NOTCH1: variants seen among roughly 807,000 people sequenced by gnomAD.
NOTCH1 encodes the protein neurogenic locus notch homolog protein 1.
A neutral mutation model predicts 254.8 loss-of-function variants in NOTCH1; 37 were observed. The ratio of observed to expected loss-of-function variants is 0.15; its 90% confidence interval spans 0.11 to 0.19. The LOEUF (loss-of-function observed/expected upper bound fraction) is 0.19. NOTCH1 is among the 10% of genes least tolerant of loss of function. The pLI is 1.00. For synonymous variants in NOTCH1, 1,731 were observed against 1,618.1 expected (o/e 1.07, Z -1.68); for missense variants, 2,972 against 3,708.6 (o/e 0.80, Z 5.16).
At position 136,544,014 on chromosome 9, in the gene NOTCH1, T is replaced by C; in HGVS notation, c.140+10A>G. 1 of 1,565,588 alleles carries C rather than the reference T, an allele frequency of 6.4e-7. No individual in the cohort carries two copies. Among genetic ancestry groups the C allele is most frequent in the Non-Finnish European group, 8.7e-7 (1 of 1,156,044 alleles). On this transcript the variant is annotated intron_variant, in intron 2 of 33. Transcript: ENST00000651671. Reference sequence around the variant, plus strand: ...GACAAAGCAACAGGTCCCGCAGGGGTGGTACTCACACGCAGGCCTCCGTGC... The same window carrying C: ...GACAAAGCAACAGGTCCCGCAGGGGCGGTACTCACACGCAGGCCTCCGTGC...
At chr9:136,533,502 G>A (rs770766336) in intron 2 of NOTCH1, among the ~76,000 whole-genome samples, 7 of 152,234 alleles carry the variant, frequency 4.6e-5, no homozygotes, top group Admixed American at 2.6e-4. Context: ...CCCGGCTGCG[G>A]GGAGTCAGCT....
chr9:136,502,881 G>C (rs1564189309), intron 27 of NOTCH1: 1 of 613,612 alleles, frequency 1.6e-6, no homozygotes, highest in Non-Finnish European at 3.0e-6. Flanking sequence ...TTTAAAAAAA[G>C]CCGTAATGAT....
At chr9:136,524,700 C>T (rs1009477693) in intron 2 of NOTCH1, among the ~76,000 whole-genome samples, 3 of 141,430 alleles carry the variant, frequency 2.1e-5, no homozygotes, top group South Asian at 2.2e-4. Context: ...TGCAGGGGCG[C>T]GATCTAGGCT....
At chr9:136,533,793 G>A (rs1009544396) in intron 2 of NOTCH1, among the ~76,000 whole-genome samples, 4 of 152,250 alleles carry the variant, frequency 2.6e-5, no homozygotes, top group East Asian at 1.9e-4. Context: ...CTCCTACTAG[G>A]GCATCTGTCT....
chr9:136,513,355 G>C lies in NOTCH1; in HGVS notation c.2353+37C>G. ...TGTCTCCAGCTCCCCAGACTCGAGGGCGGCCCTCTGCACTGAGAAACGCGC... is the reference window on the plus strand; with the variant it reads ...TGTCTCCAGCTCCCCAGACTCGAGGCCGGCCCTCTGCACTGAGAAACGCGC... On this transcript the variant is annotated intron_variant, in intron 14 of 33. Transcript: ENST00000651671. The surrounding 1 kb of genome is among the most constrained non-coding windows in gnomAD (Gnocchi z 4.7). 1 of 1,611,904 alleles carries C rather than the reference G, an allele frequency of 6.2e-7. No homozygotes were observed. The highest frequency in any genetic ancestry group is 1.3e-5 in the African/African-American group (1 of 75,056).
At chr9:136,502,194 G>C (rs1843008539) in intron 28 of NOTCH1, 78 bp downstream of exon 28, 6 of 1,574,128 alleles carry the variant, frequency 3.8e-6, no homozygotes, top group Admixed American at 1.7e-5. Context: ...GGTCGGGAGG[G>C]GCAGACTCCC....
At position 136,511,162 on chromosome 9, in the gene NOTCH1, C is replaced by T. The variant is rs747189377; in HGVS notation, c.2577G>A (p.Thr859=). Residue 859 remains threonine (T), a synonymous_variant, in exon 16 of 34, where the codon ACG becomes ACA. Coordinates refer to ENST00000651671, the MANE Select transcript of NOTCH1 (RefSeq NM_017617.5). ...CCTGGCCAGCCTCACCTTGCCAGCC[C>T]GTGGGGCAGACACAGGAGAAGCTCT... ...DYESFSCVCP[T]GWQGQTCEVD... is the part of the protein sequence containing the mutation. The T allele has an allele frequency of 1.5e-5, 24 of 1,612,814 alleles. No homozygotes were observed. Among genetic ancestry groups the T allele is most frequent in the Middle Eastern group, 1.6e-4 (1 of 6,082 alleles).
In NOTCH1 at chr9:136,513,249, A is replaced by G; in HGVS notation, c.2354-115T>C. The G allele has an allele frequency of 6.8e-7, 1 of 1,465,286 alleles. No homozygotes were observed. Among genetic ancestry groups the G allele is most frequent in the Non-Finnish European group, 9.5e-7 (1 of 1,053,624 alleles). 90.8% of individuals were successfully genotyped at this position (1,465,286 alleles called of 1,614,324 possible). ...CCCCAGGCCCCTCCTCATCTCCAAGAGCCAGAGGCCTGGAGCTAAGGCTTT... is the reference window on the plus strand; with the variant it reads ...CCCCAGGCCCCTCCTCATCTCCAAGGGCCAGAGGCCTGGAGCTAAGGCTTT... On this transcript the variant is annotated intron_variant, in intron 14 of 33. Coordinates refer to ENST00000651671, the MANE Select transcript of NOTCH1 (RefSeq NM_017617.5). This position sits in a 1 kb window ranked among gnomAD's most constrained non-coding sequence, Gnocchi z 4.7.
rs767401819 is a variant in NOTCH1 at position 136,494,931 on chromosome 9, G to A, written c.*1140C>T. ...GCCTCCCTCCAGCCCCTGCCCGACC[G>A]CATGCCCCCTGCCAGGGCTGCGGGG... On this transcript the variant is annotated 3_prime_UTR_variant, in exon 34 of 34. Coordinates refer to ENST00000651671, the MANE Select transcript of NOTCH1 (RefSeq NM_017617.5). The A allele has an allele frequency of 5.0e-6, 2 of 398,556 alleles. No individual in the cohort carries two copies. Among genetic ancestry groups the A allele is most frequent in the African/African-American group, 2.1e-5 (1 of 48,604 alleles). 24.7% of individuals were successfully genotyped at this position (398,556 alleles called of 1,614,324 possible).
intron 2 of NOTCH1, 107 bp from the exon 3 acceptor site, chr9:136,524,086 C>G: frequency 1.4e-6 from 2 of 1,392,386 alleles, no homozygotes; most frequent in Non-Finnish European, 2.0e-6. Flanking sequence ...CCCCACACCC[C>G]GGGCACGGGC....
At chr9:136,510,581 G>C (rs568721237) in intron 17 of NOTCH1, 72 bp downstream of exon 17, 2 of 1,540,762 alleles carry the variant, frequency 1.3e-6, no homozygotes, top group Non-Finnish European at 1.7e-6. Context: ...AGCACCATGC[G>C]CACCAACCCT....
At chr9:136,512,836 C>T (rs1455959651) in intron 15 of NOTCH1, among the ~76,000 whole-genome samples, 185 bp downstream of exon 15, 5 of 152,250 alleles carry the variant, frequency 3.3e-5, no homozygotes, top group East Asian at 3.9e-4. Context: ...CTCAGTGAGG[C>T]GCAGAACCTT....
chr9:136,523,637 C>T lies in NOTCH1; in HGVS notation c.403+80G>A, dbSNP rs1200165750. The stretch of plus-strand genomic sequence containing the variant: ...GGGTCAGAGACCCGGGCCTGGATCC[C>T]GCCAAGTACCTCAAGTTGCCTGGGC... On this transcript the variant is annotated intron_variant, in intron 3 of 33. Transcript: ENST00000651671. 60 of 1,526,714 alleles carry T rather than the reference C, an allele frequency of 3.9e-5. No homozygotes were observed. The South Asian group carries it at 6.6e-4, about 17-fold the overall frequency. The allele number at this position is 1,526,714 out of a possible 1,614,324, so 94.6% of individuals were successfully genotyped here. A position where few individuals can be genotyped will look rare whatever the true frequency, so the allele number is the denominator to read the frequency against.
rs369259434 is a variant in NOTCH1 at position 136,511,218 on chromosome 9, C to T, written c.2521G>A (p.Gly841Ser). 2.0e-5 allele frequency: 32 copies of T among 1,612,718 alleles called. No individual in the cohort carries two copies. Among genetic ancestry groups the T allele is most frequent in the African/African-American group, 1.7e-4 (13 of 74,926 alleles). The change falls in exon 16 of 34, where the codon GGC becomes AGC. Residue 841 changes from glycine to serine, a missense_variant. Gly to Ser is a moderately conservative substitution (Grantham distance 56). Around this residue, in one of 8 missense-constraint regions of NOTCH1, gnomAD observed 1,343 missense variants for 1,557.0 expected, o/e 0.86. Coordinates refer to ENST00000651671, the MANE Select transcript of NOTCH1 (RefSeq NM_017617.5). ...APCAPSPCRN[G>S]GECRQSEDYE... The stretch of plus-strand genomic sequence containing the variant: ...TCCTCGGATTGCCTGCACTCCCCGC[C>T]GTTTCTGCAGGGGCTGGGGGCACAC...
intron 25 of NOTCH1, 66 bp downstream of exon 25, chr9:136,505,244 C>T (rs1172170362): frequency 1.6e-5 from 24 of 1,533,136 alleles, no homozygotes; most frequent in Admixed American, 3.9e-5. Context: ...TGCTGGCCTC[C>T]GGGCCCAAGC....
At position 136,500,809 on chromosome 9, in the gene NOTCH1, C is replaced by T. The variant is rs2133326690; in HGVS notation, c.5677G>A (p.Gly1893Ser). Reference protein sequence around the residue: ...TPLMIASCSGGGLETGNSEEE... With the variant: ...TPLMIASCSGSGLETGNSEEE... ...TCGCTGTTGCCCGTCTCCAGGCCGCCCCCGCTGCAGGAGGCGATCATGAGC... is the reference window on the plus strand; with the variant it reads ...TCGCTGTTGCCCGTCTCCAGGCCGCTCCCGCTGCAGGAGGCGATCATGAGC... The change falls in exon 31 of 34, where the codon GGC becomes AGC. Residue 1893 changes from glycine (G) to serine (S), a missense_variant. Physicochemically the swap from Gly to Ser is moderately conservative, Grantham distance 56. This residue lies in a region of NOTCH1 where 421 missense variants were observed against 604.4 expected (regional missense o/e 0.70). Coordinates refer to ENST00000651671, the MANE Select transcript of NOTCH1 (RefSeq NM_017617.5). 3 of 1,599,242 alleles carry T rather than the reference C, an allele frequency of 1.9e-6. No individual in the cohort carries two copies. The highest frequency in any genetic ancestry group is 2.5e-6 in the Non-Finnish European group (3 of 1,179,544).
At chr9:136,524,639 CTTTTTTTTTTTTT>C (rs869128901) in intron 2 of NOTCH1, among the ~76,000 whole-genome samples, 18 of 54,442 alleles carry the variant, frequency 3.3e-4, no homozygotes, top group East Asian at 2.6e-3. Context: ...TTTTTCTTTT[CTTTTTTTTTTTTT>C]TTTTTTTTTG....
chr9:136,515,697 G>A lies in NOTCH1; in HGVS notation c.1689C>T (p.Cys563=), dbSNP rs760548976. Residue 563 remains cysteine, a synonymous_variant, in exon 11 of 34, where the codon TGC becomes TGT. Transcript: ENST00000651671. ...GGTCGCACTCATCGATGTCCACCTC[G>A]CAGTGCGTCCCCGTGTACCCTGGAC... ...VCTEGYTGTH[C]EVDIDECDPD... 8.9e-5 allele frequency: 138 copies of A among 1,545,312 alleles called. No homozygotes were observed. The highest frequency in any genetic ancestry group is 2.5e-4 in the South Asian group (21 of 85,118).
At chr9:136,528,616 G>C (rs906278858) in intron 2 of NOTCH1, among the ~76,000 whole-genome samples, 1 of 151,378 alleles carries the variant, frequency 6.6e-6, no homozygotes, top group Non-Finnish European at 1.5e-5. Context: ...TCCCAGAGGG[G>C]AAGGAACGGC....
Sources: allele counts gnomAD v4.1 joint callset (sites outside exome capture counted in the v4.1 genomes callset), GRCh38; gene constraint gnomAD v4.1.1; regional missense constraint gnomAD v4.1.1; non-coding constraint Gnocchi (gnomAD v3.1); transcripts MANE v1.5; gene names NCBI Gene and HGNC (gene_info 2026-07-23, HGNC 2026-07-21).